Variants in ZNF474 observed in about 807,000 individuals in gnomAD.
ZNF474 encodes zinc finger protein 474.
For missense variants in ZNF474, 511 were observed against 433.8 expected, an observed-to-expected ratio of 1.18 and a Z score of -1.58; for synonymous variants, 192 against 162.2, an observed-to-expected ratio of 1.18 and a Z score of -1.39.
intron 1 of ZNF474, among the ~76,000 whole-genome samples, chr5:122,134,217 G>A (rs1755643926): frequency 6.6e-6 from 1 of 152,146 alleles, no homozygotes; most frequent in Admixed American, 6.6e-5. Context: ...CAGAGAGGGA[G>A]AATATAAAGA....
At chr5:122,141,857 T>C (rs568920585) in intron 1 of ZNF474, among the ~76,000 whole-genome samples, 60 of 152,338 alleles carry the variant, frequency 3.9e-4, no homozygotes, top group South Asian at 8.3e-4. Context: ...GAACAGCTAA[T>C]TGAGGCCCTT....
chr5:122,140,027 A>C (rs1280237841), intron 1 of ZNF474, among the ~76,000 whole-genome samples: 4 of 152,206 alleles, frequency 2.6e-5, no homozygotes, highest in Non-Finnish European at 5.9e-5. Context: ...TTCTCTGAAA[A>C]GTTTGCCTAG....
In ZNF474 at chr5:122,153,254, G is replaced by C. The variant is rs1028067506; in HGVS notation, c.*169G>C. The C allele has an allele frequency of 1.3e-6, 1 of 746,952 alleles. No individual in the cohort carries two copies. The highest frequency in any genetic ancestry group is 1.8e-5 in the African/African-American group (1 of 56,398). The allele number at this position is 746,952 out of a possible 1,614,324, so 46.3% of individuals were successfully genotyped here. A position where few individuals can be genotyped will look rare whatever the true frequency, so the allele number is the denominator to read the frequency against. On this transcript the variant is annotated 3_prime_UTR_variant, in exon 2 of 2. Coordinates refer to ENST00000296600, the MANE Select transcript of ZNF474 (RefSeq NM_207317.3). ...GATATAAGAACATCCTTGCCTGATG[G>C]GTTCATATTCCTCTTCAATTCTGCT...
intron 1 of ZNF474, among the ~76,000 whole-genome samples, chr5:122,137,422 G>T (rs1755727205): frequency 1.5e-5 from 2 of 131,394 alleles, no homozygotes; most frequent in South Asian, 5.2e-4. Context: ...ACTTCAGCCT[G>T]GGTGACAGAG....
At chr5:122,140,093 T>C (rs1755798577) in intron 1 of ZNF474, among the ~76,000 whole-genome samples, 1 of 152,238 alleles carries the variant, frequency 6.6e-6, no homozygotes. Context: ...AGAGCTCTTC[T>C]AGACCCTGGA....
Position 122,152,880 on chromosome 5 carries a change from A to G in ZNF474, c.890A>G (p.Asp297Gly), listed in dbSNP as rs755214942. Residue 297 changes from aspartate to glycine, a missense_variant, in exon 2 of 2, where the codon GAC (aspartate) becomes GGC (glycine). Transcript: ENST00000296600. ...CPHCSRIFTSDRLLVHQRSCK... is the reference protein window; with the variant it reads ...CPHCSRIFTSGRLLVHQRSCK... The stretch of plus-strand genomic sequence containing the variant: ...CATTGTAGCCGAATCTTTACCTCAG[A>G]CCGCCTCCTGGTACACCAGAGAAGT... The G allele has an allele frequency of 6.2e-7, 1 of 1,614,106 alleles. No homozygotes were observed. The highest frequency in any genetic ancestry group is 1.1e-5 in the South Asian group (1 of 91,074).
At chr5:122,134,102 A>ATTTCTGC (rs1454917366) in intron 1 of ZNF474, among the ~76,000 whole-genome samples, 1 of 152,216 alleles carries the variant, frequency 6.6e-6, no homozygotes, top group African/African-American at 2.4e-5. Context: ...ACCCTTCCTG[A>ATTTCTGC]GGGATCAGTG....
At chr5:122,149,938 A>AGAGG (rs1383298784) in intron 1 of ZNF474, among the ~76,000 whole-genome samples, 2 of 149,840 alleles carry the variant, frequency 1.3e-5, no homozygotes, top group Non-Finnish European at 2.9e-5. Flanking sequence ...AGAGAGAGAG[A>AGAGG]GAGGGAGGGA....
rs139645430 is a variant in ZNF474, at chr5:122,148,797, C to T, written c.-212-2982C>T. 8.6e-3 allele frequency among the ~76,000 whole-genome samples: 1,302 copies of T among 151,726 alleles called. 17 individuals are homozygous for T. Among genetic ancestry groups the T allele is most frequent in the African/African-American group, 0.03 (1,245 of 41,312 alleles). On this transcript the variant is annotated intron_variant, in intron 1 of 1. Coordinates refer to ENST00000296600, the MANE Select transcript of ZNF474 (RefSeq NM_207317.3). ...TGTCAGCTAGGCTGGAGTGCAATGG[C>T]GCGATCTTGGCTCTCTGCAAACTCT... is the stretch of plus-strand genomic sequence containing the variant.
At chr5:122,132,426 C>G (rs1373963261) in intron 1 of ZNF474, among the ~76,000 whole-genome samples, 2 of 151,808 alleles carry the variant, frequency 1.3e-5, no homozygotes, top group African/African-American at 4.8e-5. Context: ...AAATATATGT[C>G]TTGCAAACAG....
intron 1 of ZNF474, among the ~76,000 whole-genome samples, chr5:122,139,610 A>G (rs1311428455): frequency 6.6e-6 from 1 of 152,202 alleles, no homozygotes; most frequent in African/African-American, 2.4e-5. Context: ...TAATTATGGT[A>G]CTATAAGATC....
At chr5:122,130,839 T>C (rs1755558315) in intron 1 of ZNF474, among the ~76,000 whole-genome samples, 1 of 152,184 alleles carries the variant, frequency 6.6e-6, no homozygotes, top group African/African-American at 2.4e-5. Context: ...GTTACCTTTT[T>C]TTGGCTGTGG....
In ZNF474 at chr5:122,152,470, T is replaced by G; in HGVS notation, c.480T>G (p.Ser160Arg). The change falls in exon 2 of 2, where the codon AGT becomes AGG. Residue 160 changes from serine to arginine, a missense_variant. Coordinates refer to ENST00000296600, the MANE Select transcript of ZNF474 (RefSeq NM_207317.3). ...CAACTAACGAGGCTGCATTTCAGAG[T>G]GCCCAGGCTCAGCTGCTGCCCTGTG... ...LQATNEAAFQSAQAQLLPCES... is the reference protein window; with the variant it reads ...LQATNEAAFQRAQAQLLPCES... The G allele has an allele frequency of 6.2e-7, 1 of 1,614,130 alleles. No individual in the cohort carries two copies. Among genetic ancestry groups the G allele is most frequent in the Non-Finnish European group, 8.5e-7 (1 of 1,180,016 alleles).
rs887033025 is a variant in ZNF474, at chr5:122,153,134, AT to A, written c.*55del. ...AGAATCAGCCACCTCAGCCCCTAGTATTTTTTCTATCAATGCCTTGTATCAG... is the reference window on the plus strand; with the variant it reads ...AGAATCAGCCACCTCAGCCCCTAGTATTTTTCTATCAATGCCTTGTATCAG... On this transcript the variant is annotated 3_prime_UTR_variant, in exon 2 of 2. Transcript: ENST00000296600. 6.5e-7 allele frequency: 1 copy of A among 1,546,666 alleles called. No individual in the cohort carries two copies. The highest frequency in any genetic ancestry group is 1.4e-5 in the African/African-American group (1 of 72,426).
At position 122,152,008 on chromosome 5, in the gene ZNF474, G is replaced by C; in HGVS notation, c.18G>C (p.Lys6Asn). 1 of 1,609,638 alleles carries C rather than the reference G, an allele frequency of 6.2e-7. No homozygotes were observed. The highest frequency in any genetic ancestry group is 1.1e-5 in the South Asian group (1 of 90,114). The change falls in exon 2 of 2, where the codon AAG becomes AAC. Residue 6 changes from lysine (K) to asparagine (N), a missense_variant. Transcript: ENST00000296600. ...CTTTGTTAATGGAAAGAGGAAAGAA[G>C]AAAAGAATTTCCAATAAGTTACAAC... MERGKKKRISNKLQQT... is the reference protein window; with the variant it reads MERGKNKRISNKLQQT...
At position 122,147,660 on chromosome 5, in the gene ZNF474, T is replaced by G. The variant is rs973920440; in HGVS notation, c.-212-4119T>G. Among the ~76,000 whole-genome samples, 4 of 152,102 alleles carry G rather than the reference T, an allele frequency of 2.6e-5. No individual in the cohort carries two copies. In the East Asian group the frequency reaches 7.7e-4, roughly 29 times the overall value. On this transcript the variant is annotated intron_variant, in intron 1 of 1. Transcript: ENST00000296600. ...TGTCCTTGTGACAGTCTGCTCAGAA[T>G]GATGGTTTCCAGCTTTATCCATGTC...
At chr5:122,149,885 C>CTGTGTGTGTGTG (rs35051222) in intron 1 of ZNF474, among the ~76,000 whole-genome samples, 4 of 141,482 alleles carry the variant, frequency 2.8e-5, no homozygotes, top group South Asian at 2.3e-4. Context: ...AGAATTGACT[C>CTGTGTGTGTGTG]TGTGTGTGTG....
chr5:122,142,111 G>T (rs1480657674), intron 1 of ZNF474, among the ~76,000 whole-genome samples: 2 of 152,148 alleles, frequency 1.3e-5, no homozygotes. Flanking sequence ...CAACCATAGG[G>T]TGCTATACTC....
intron 1 of ZNF474, among the ~76,000 whole-genome samples, chr5:122,131,944 C>G (rs964981067): frequency 6.6e-6 from 1 of 151,866 alleles, no homozygotes; most frequent in Non-Finnish European, 1.5e-5. Context: ...ATCCATGAAC[C>G]AACAAAGACG....
Sources: allele counts gnomAD v4.1 joint callset (sites outside exome capture counted in the v4.1 genomes callset), GRCh38; gene constraint gnomAD v4.1.1; transcripts MANE v1.5; gene names NCBI Gene and HGNC (gene_info 2026-07-23, HGNC 2026-07-21).